OR14L1: variants seen among roughly 807,000 people sequenced by gnomAD.
The protein encoded by OR14L1 is olfactory receptor family 14 subfamily L member 1.
the OR14L1 span, chr1:247,621,190 A>G: frequency 2.0e-5 from 3 of 152,158 alleles, no homozygotes; most frequent in African/African-American, 7.2e-5. Flanking sequence ...ACACAATATT[A>G]TGTTAAGCTA....
the OR14L1 span, among the ~76,000 whole-genome samples, chr1:247,619,023 T>C: frequency 6.6e-6 from 1 of 152,176 alleles, no homozygotes; most frequent in Non-Finnish European, 1.5e-5. Context: ...AACTGTTTCT[T>C]ATGAAATCTT....
chr1:247,621,241 T>C, the OR14L1 span: 1 of 152,202 alleles, frequency 6.6e-6, no homozygotes, highest in Non-Finnish European at 1.5e-5. Flanking sequence ...TAGGAAAGTA[T>C]GAACTGAAAG....
At chr1:247,622,206 T>C in the OR14L1 span, 2 of 152,218 alleles carry the variant, frequency 1.3e-5, no homozygotes. Flanking sequence ...CGTCTGTGTG[T>C]CACCTTTTAG....
At chr1:247,619,437 C>G in the OR14L1 span, among the ~76,000 whole-genome samples, 1 of 152,050 alleles carries the variant, frequency 6.6e-6, no homozygotes, top group Non-Finnish European at 1.5e-5. Context: ...ACCTCACATA[C>G]TATGATGTAT....
the OR14L1 span, among the ~76,000 whole-genome samples, chr1:247,618,770 C>CT: frequency 6.6e-6 from 1 of 152,078 alleles, no homozygotes; most frequent in African/African-American, 2.4e-5. Context: ...CTGCCTTTTC[C>CT]TATGTGGCTT....
the OR14L1 span, among the ~76,000 whole-genome samples, chr1:247,618,525 A>T: frequency 9.2e-6 from 1 of 108,336 alleles, no homozygotes; most frequent in African/African-American, 4.3e-5. Flanking sequence ...GACTAGACCA[A>T]TCCAAAGCAA....
At chr1:247,620,787 A>G in the OR14L1 span, 1 of 152,202 alleles carries the variant, frequency 6.6e-6, no homozygotes, top group Admixed American at 6.5e-5. Flanking sequence ...TGTTCAAAAC[A>G]TTAGAACTTG....
chr1:247,618,626 A>C, the OR14L1 span, among the ~76,000 whole-genome samples: 6 of 152,132 alleles, frequency 3.9e-5, no homozygotes, highest in Non-Finnish European at 7.4e-5. Flanking sequence ...TACATAATTG[A>C]TATTCTTTTT....
At chr1:247,618,559 C>A in the OR14L1 span, among the ~76,000 whole-genome samples, 1 of 151,748 alleles carries the variant, frequency 6.6e-6, no homozygotes, top group South Asian at 2.1e-4. Context: ...TAAAGTGAGT[C>A]GCAGATGCTA....
At chr1:247,617,789 A>ATGTGCGTGTGTTGTG in the OR14L1 span, among the ~76,000 whole-genome samples, 1 of 149,844 alleles carries the variant, frequency 6.7e-6, no homozygotes, top group Non-Finnish European at 1.5e-5. Context: ...AAAGTTCTGT[A>ATGTGCGTGTGTTGTG]TGTGTGTGTG....
chr1:247,619,616 C>T, the OR14L1 span: 3 of 151,998 alleles, frequency 2.0e-5, no homozygotes, highest in East Asian at 5.8e-4. Context: ...TTTTTTCTCT[C>T]TTTAGGAAGA....
the OR14L1 span, chr1:247,617,470 G>A: frequency 6.6e-6 from 1 of 152,250 alleles, no homozygotes; most frequent in East Asian, 1.9e-4. Context: ...TTAATAGATT[G>A]CACTGATATA....
At chr1:247,621,766 T>C in the OR14L1 span, 1 of 152,216 alleles carries the variant, frequency 6.6e-6, no homozygotes, top group Non-Finnish European at 1.5e-5. Context: ...TTTGACTTTT[T>C]CAGATTCCAC....
At chr1:247,621,874 A>G in the OR14L1 span, 1 of 152,230 alleles carries the variant, frequency 6.6e-6, no homozygotes, top group African/African-American at 2.4e-5. Context: ...CACCAATGAC[A>G]GAATTTCATG....
chr1:247,618,923 A>T, the OR14L1 span, among the ~76,000 whole-genome samples: 65,929 of 151,968 alleles, frequency 0.43, 14,527 homozygotes, highest in African/African-American at 0.47. Flanking sequence ...CCCTTTCTCA[A>T]CATGCCTGCT....
At chr1:247,619,983 T>C in the OR14L1 span, 4 of 152,322 alleles carry the variant, frequency 2.6e-5, no homozygotes, top group Non-Finnish European at 4.4e-5. Flanking sequence ...TAGCCATCCT[T>C]ACAGTGATGT....
chr1:247,621,306 T>C, the OR14L1 span: 1 of 152,218 alleles, frequency 6.6e-6, no homozygotes. Flanking sequence ...ATATAAATAT[T>C]CATCTATAAA....
the OR14L1 span, chr1:247,617,316 T>C: frequency 6.6e-6 from 1 of 152,230 alleles, no homozygotes; most frequent in Non-Finnish European, 1.5e-5. Flanking sequence ...CCAAGGCTCC[T>C]TCTCAAAGAA....
At chr1:247,620,869 TATTA>T in the OR14L1 span, 25 of 152,250 alleles carry the variant, frequency 1.6e-4, no homozygotes, top group South Asian at 2.1e-3. Flanking sequence ...TAATACAACA[TATTA>T]ATTAATATAA....
Sources: allele counts gnomAD v4.1 joint callset (sites outside exome capture counted in the v4.1 genomes callset), GRCh38; gene constraint gnomAD v4.1.1; transcripts MANE v1.5; gene names NCBI Gene and HGNC (gene_info 2026-07-23, HGNC 2026-07-21).